Variants in BNC2 observed in about 807,000 individuals in gnomAD.
BNC2 encodes zinc finger protein basonuclin-2.
A neutral mutation model predicts 76.3 loss-of-function variants in BNC2; 20 were observed. The ratio of observed to expected loss-of-function variants is 0.26; its 90% CI spans 0.18 to 0.38. The LOEUF is 0.38. Among genes scored for constraint, BNC2 ranks in the 10% least tolerant of loss-of-function variants. The pLI is 1.00. For missense variants in BNC2, 1,382 were observed against 1,399.8 expected (o/e 0.99, Z 0.20); for synonymous variants, 582 against 514.8 (o/e 1.13, Z -1.77).
chr9:16,783,239 T>C lies in BNC2; in HGVS notation c.4-44754A>G, dbSNP rs577833850. ...AAAGATCAGATTCAGATGTTGCTTT[T>C]ATTCATAAGCTTTGAAAAAGTAAAT... On this transcript the variant is annotated intron_variant, in intron 1 of 6. Transcript: ENST00000380672. Among the ~76,000 whole-genome samples, 167 of 152,372 alleles carry C rather than the reference T, an allele frequency of 1.1e-3. 1 individual carries two copies. Among genetic ancestry groups the C allele is most frequent in the African/African-American group, 3.9e-3 (163 of 41,598 alleles).
intron 4 of BNC2, among the ~76,000 whole-genome samples, chr9:16,557,372 G>A (rs1408415060): frequency 5.3e-5 from 8 of 151,818 alleles, no homozygotes; most frequent in Admixed American, 2.0e-4. Context: ...GGTGGCACAC[G>A]CCTGTAGTCC....
In BNC2 at chr9:16,411,391, C is replaced by T. The variant is rs1386223005; in HGVS notation, c.*7598G>A. ...AATACTTCTTTCTGCTCTTCCTTCC[C>T]TTCAAAGATTCTTTTTTAAAAAAGT... is the stretch of plus-strand genomic sequence containing the variant. On this transcript the variant is annotated 3_prime_UTR_variant, in exon 7 of 7. Transcript: ENST00000380672. The T allele has an allele frequency of 6.6e-6, 1 of 152,484 alleles. No individual in the cohort carries two copies. The highest frequency in any genetic ancestry group is 2.4e-5 in the African/African-American group (1 of 41,398). 9.4% of individuals were successfully genotyped at this position (152,484 alleles called of 1,614,324 possible). A position where few individuals can be genotyped will look rare whatever the true frequency, so the allele number is the denominator to read the frequency against.
At chr9:16,679,385 C>G (rs1423601154) in intron 3 of BNC2, among the ~76,000 whole-genome samples, 1 of 152,222 alleles carries the variant, frequency 6.6e-6, no homozygotes, top group South Asian at 2.1e-4. Flanking sequence ...CATCGCTATA[C>G]AGCAACTTGT....
chr9:16,461,234 A>C (rs1297829170), intron 5 of BNC2, among the ~76,000 whole-genome samples: 1 of 152,152 alleles, frequency 6.6e-6, no homozygotes, highest in Non-Finnish European at 1.5e-5. Context: ...TGATCATTTT[A>C]TATCCCTCTG....
chr9:16,728,398 G>A (rs1315143785), intron 2 of BNC2, among the ~76,000 whole-genome samples: 1 of 152,068 alleles, frequency 6.6e-6, no homozygotes, highest in Non-Finnish European at 1.5e-5. Context: ...CACACTCCAG[G>A]CAGCACCACA....
chr9:16,590,581 G>A (rs545595001), intron 3 of BNC2, among the ~76,000 whole-genome samples: 6 of 152,192 alleles, frequency 3.9e-5, no homozygotes, highest in South Asian at 2.1e-4. Context: ...TTGGGAGGCC[G>A]AGGAGAGCAC....
At chr9:16,589,228 G>A (rs7048399) in intron 3 of BNC2, among the ~76,000 whole-genome samples, 1 of 152,108 alleles carries the variant, frequency 6.6e-6, no homozygotes, top group Non-Finnish European at 1.5e-5. Context: ...CTCTGTTACC[G>A]AGGCTGGAGT....
chr9:16,554,703 T>C lies in BNC2; in HGVS notation c.434-1938A>G, dbSNP rs564149864. ...CTTAACTACTCAGCCTTCTGATGAG[T>C]GGCTGCTCTGCTAACAGAATCCAGT... On this transcript the variant is annotated intron_variant, in intron 4 of 6. Transcript: ENST00000380672. 5.9e-5 allele frequency among the ~76,000 whole-genome samples: 9 copies of C among 152,236 alleles called. No individual in the cohort carries two copies. In the South Asian group the frequency reaches 1.0e-3, roughly 18 times the overall value.
At position 16,741,394 on chromosome 9, in the gene BNC2, G is replaced by A. The variant is rs372403868; in HGVS notation, c.4-2909C>T. 8.7e-4 allele frequency among the ~76,000 whole-genome samples: 131 copies of A among 151,332 alleles called. 1 individual carries two copies. In the South Asian group the frequency reaches 9.7e-3, roughly 11 times the overall value. On this transcript the variant is annotated intron_variant, in intron 1 of 6. Coordinates refer to ENST00000380672, the MANE Select transcript of BNC2 (RefSeq NM_017637.6). ...CTTGAACCTGGGAGGTGGAGGTTGC[G>A]GTGAGCCGAGATCACGCCACTGCAC...
rs962952494 is a variant in BNC2 at position 16,412,600 on chromosome 9, G to C, written c.*6389C>G. On this transcript the variant is annotated 3_prime_UTR_variant, in exon 7 of 7. Coordinates refer to ENST00000380672, the MANE Select transcript of BNC2 (RefSeq NM_017637.6). ...TTATTTAAGAAGTCATCTTGTTACT[G>C]TCCACTTAATAGCTGGAGAGGGCAT... The C allele has an allele frequency of 6.6e-6, 1 of 152,582 alleles. No individual in the cohort carries two copies. The highest frequency in any genetic ancestry group is 2.4e-5 in the African/African-American group (1 of 41,424). 9.5% of individuals were successfully genotyped at this position (152,582 alleles called of 1,614,324 possible).
chr9:16,585,819 T>C (rs757886726), intron 3 of BNC2, among the ~76,000 whole-genome samples: 5 of 152,104 alleles, frequency 3.3e-5, no homozygotes, highest in Non-Finnish European at 5.9e-5. Flanking sequence ...CTTGTGAGCA[T>C]GTTCACAGCT....
At chr9:16,638,240 A>G (rs1240204848) in intron 3 of BNC2, among the ~76,000 whole-genome samples, 1 of 152,120 alleles carries the variant, frequency 6.6e-6, no homozygotes, top group Non-Finnish European at 1.5e-5. Flanking sequence ...TCCATTTCCT[A>G]TCTCATCTGA....
rs553908185 is a variant in BNC2 at position 16,867,817 on chromosome 9, A to T, written c.3+2829T>A. On this transcript the variant is annotated intron_variant, in intron 1 of 6. Coordinates refer to ENST00000380672, the MANE Select transcript of BNC2 (RefSeq NM_017637.6). ...AAGGACTAACTTGGAAGGCAAAAAA[A>T]TACAAGAAAAGATCAATTTGCTGGG... is the stretch of plus-strand genomic sequence containing the variant. 5 of 152,242 alleles carry T rather than the reference A, an allele frequency of 3.3e-5. 1 individual carries two copies. Among genetic ancestry groups the T allele is most frequent in the African/African-American group, 1.2e-4 (5 of 41,524 alleles). The allele number at this position is 152,242 out of a possible 1,614,324, so 9.4% of individuals were successfully genotyped here. A position where few individuals can be genotyped will look rare whatever the true frequency, so the allele number is the denominator to read the frequency against.
At position 16,764,714 on chromosome 9, in the gene BNC2, T is replaced by C. The variant is rs750770385; in HGVS notation, c.4-26229A>G. 7.0e-5 allele frequency among the ~76,000 whole-genome samples: 10 copies of C among 143,130 alleles called. No individual in the cohort carries two copies. The South Asian group carries it at 1.2e-3, about 17-fold the overall frequency. The allele number at this position is 143,130 out of a possible 152,430, so 93.9% of individuals were successfully genotyped here. A position where few individuals can be genotyped will look rare whatever the true frequency, so the allele number is the denominator to read the frequency against. The stretch of plus-strand genomic sequence containing the variant: ...GCTCATTAATGTGGAATTATACAAA[T>C]TGACATAACTTTACTTATTTGTCTG... On this transcript the variant is annotated intron_variant, in intron 1 of 6. Coordinates refer to ENST00000380672, the MANE Select transcript of BNC2 (RefSeq NM_017637.6).
chr9:16,726,018 G>A (rs1445917681), intron 3 of BNC2, among the ~76,000 whole-genome samples: 1 of 99,910 alleles, frequency 1.0e-5, no homozygotes, highest in African/African-American at 3.8e-5. Context: ...ACACACACAC[G>A]ACCTCCACTA....
At chr9:16,652,735 T>C (rs1196741491) in intron 3 of BNC2, among the ~76,000 whole-genome samples, 1 of 152,274 alleles carries the variant, frequency 6.6e-6, no homozygotes, top group Non-Finnish European at 1.5e-5. Context: ...CATGGACAGC[T>C]CAATCTTATG....
In BNC2 at chr9:16,526,102, TTTTG is replaced by T. The variant is rs1817792460; in HGVS notation, c.669+26424_669+26427del. 3.9e-5 allele frequency among the ~76,000 whole-genome samples: 6 copies of T among 152,244 alleles called. No homozygotes were observed. In the East Asian group the frequency reaches 1.2e-3, roughly 29 times the overall value. On this transcript the variant is annotated intron_variant, in intron 5 of 6. Transcript: ENST00000380672. ...TAAACTAAAATGCTTCATCCTGGGT[TTTTG>T]TTTTTGTTCTCCCTAAAATGCTAAG...
intron 3 of BNC2, among the ~76,000 whole-genome samples, chr9:16,597,333 C>T (rs1563856115): frequency 6.6e-6 from 1 of 152,124 alleles, no homozygotes; most frequent in East Asian, 1.9e-4. Flanking sequence ...TAAATTTAAA[C>T]ACAAACAGTC....
At chr9:16,458,778 A>G (rs1821510498) in intron 5 of BNC2, among the ~76,000 whole-genome samples, 1 of 152,240 alleles carries the variant, frequency 6.6e-6, no homozygotes, top group African/African-American at 2.4e-5. Context: ...AGCACTCACT[A>G]TGTGCCGGGC....
Sources: gnomAD v4.1 joint callset for allele counts (sites outside exome capture counted in the v4.1 genomes callset) on GRCh38, gnomAD v4.1.1 for gene constraint, MANE v1.5 for transcripts, NCBI Gene and HGNC (gene_info 2026-07-23, HGNC 2026-07-21) for gene names.